The following FLT4 variants were observed in gnomAD, a reference collection of about 807,000 sequenced individuals.
FLT4 encodes vascular endothelial growth factor receptor 3.
In FLT4, 30 loss-of-function variants were observed where a neutral mutation model predicts 163.2. That is an observed-to-expected ratio of 0.18 (90% CI 0.14 to 0.25). FLT4 has a LOEUF of 0.25. Ranked by LOEUF, FLT4 falls within the 10% of genes least tolerant of loss-of-function variation. The probability of loss-of-function intolerance (pLI) is 1.00; values close to 1 mark genes in which losing one functional copy is unlikely to be tolerated. For missense variants in FLT4, 1,510 were observed against 1,863.8 expected (o/e 0.81, Z 3.50); for synonymous variants, 884 against 789.5 (o/e 1.12, Z -2.01).
Position 180,629,264 on chromosome 5 carries a change from A to C in FLT4, c.980T>G (p.Val327Gly). ...QRFRESTEVI[V>G]HENPFISVEW... ...CCTGGTTTCCCAGGCCATACCATGCACAATGACCTCGGTGCTCTCCCGAAA... is the reference window on the plus strand; with the variant it reads ...CCTGGTTTCCCAGGCCATACCATGCCCAATGACCTCGGTGCTCTCCCGAAA... Residue 327 changes from valine to glycine, a missense_variant, in exon 7 of 30, where the codon GTG becomes GGG. This residue lies in a region of FLT4 where 163 missense variants were observed against 281.1 expected (regional missense o/e 0.58). Transcript: ENST00000261937. 6.2e-7 allele frequency: 1 copy of C among 1,613,022 alleles called. No individual in the cohort carries two copies.
Position 180,649,538 on chromosome 5 carries a change from C to A in FLT4, c.8G>T (p.Arg3Leu), listed in dbSNP as rs1254608660. 3.5e-6 allele frequency: 5 copies of A among 1,436,516 alleles called. No individual in the cohort carries two copies. The highest frequency in any genetic ancestry group is 4.6e-6 in the Non-Finnish European group (5 of 1,094,488). 89.0% of individuals were successfully genotyped at this position (1,436,516 alleles called of 1,614,324 possible). A position where few individuals can be genotyped will look rare whatever the true frequency, so the allele number is the denominator to read the frequency against. Residue 3 changes from arginine to leucine, a missense_variant, in exon 1 of 30, where the codon CGG becomes CTG. Arg to Leu is a moderately radical substitution (Grantham distance 102). This residue lies in a region of FLT4 where 157 missense variants were observed against 178.7 expected (regional missense o/e 0.88). Coordinates refer to ENST00000261937, the MANE Select transcript of FLT4 (RefSeq NM_182925.5). Reference protein sequence around the residue: MQRGAALCLRLWL... With the variant: MQLGAALCLRLWL... The stretch of plus-strand genomic sequence containing the variant: ...CAGTCGCAGGCACAGCGCGGCGCCC[C>A]GCTGCATCTCCGGCCGCTGCGCGTG...
chr5:180,629,877 G>T, intron 5 of FLT4, 42 bp from the exon 6 acceptor site: 1 of 1,612,602 alleles, frequency 6.2e-7, no homozygotes, highest in South Asian at 1.1e-5. Flanking sequence ...CTCACAGGAC[G>T]ACACCCACTG....
chr5:180,646,922 A>G (rs1055494530), intron 1 of FLT4, among the ~76,000 whole-genome samples: 3 of 152,190 alleles, frequency 2.0e-5, no homozygotes, highest in Admixed American at 1.3e-4. Flanking sequence ...GCTCTGTGCC[A>G]TAGGCCTGGT....
chr5:180,612,672 T>A lies in FLT4; in HGVS notation c.3432-61A>T, dbSNP rs1434689071. ...CCCACCCCCGTCCCAGGACCTTCAG[T>A]GCCCCAGCCTTCCTGGGCCCTCTCA... On this transcript the variant is annotated intron_variant, in intron 25 of 29. Transcript: ENST00000261937. 4 of 1,192,542 alleles carry A rather than the reference T, an allele frequency of 3.4e-6. No individual in the cohort carries two copies. In the African/African-American group the frequency reaches 6.3e-5, roughly 19 times the overall value. 73.9% of individuals were successfully genotyped at this position (1,192,542 alleles called of 1,614,324 possible).
rs1288357522 is a variant in FLT4, at chr5:180,623,226, G to A, written c.1549-387C>T. On this transcript the variant is annotated intron_variant, in intron 11 of 29. Transcript: ENST00000261937. This position sits in a 1 kb window ranked among gnomAD's most constrained non-coding sequence, Gnocchi z 5.8. ...CAGCAAAAGCCAGTCACTTCTGGAT[G>A]GGGTCAGGCCCAATCCAGTCGCTGC... 6.6e-6 allele frequency among the ~76,000 whole-genome samples: 1 copy of A among 152,176 alleles called. No homozygotes were observed. Among genetic ancestry groups the A allele is most frequent in the African/African-American group, 2.4e-5 (1 of 41,434 alleles).
intron 8 of FLT4, among the ~76,000 whole-genome samples, chr5:180,627,548 GT>G (rs149897755): frequency 0.085 from 13,017 of 152,280 alleles, 1,026 homozygotes; most frequent in African/African-American, 0.21. Context: ...CCATCTGTGT[GT>G]TTGCTAGACC....
At chr5:180,613,927 G>C (rs1169602345) in intron 24 of FLT4, 141 bp downstream of exon 24, 8 of 720,242 alleles carry the variant, frequency 1.1e-5, no homozygotes, top group Non-Finnish European at 2.0e-5. Context: ...GGGGCCCTTG[G>C]TGGCCCACAA....
At position 180,639,481 on chromosome 5, in the gene FLT4, C is replaced by T. The variant is rs182566211; in HGVS notation, c.59-7703G>A. ...TAGATTGAACAGAAGGATGGATGGACGGGCAGATGGAAGGATGAACGAATG... is the reference window on the plus strand; with the variant it reads ...TAGATTGAACAGAAGGATGGATGGATGGGCAGATGGAAGGATGAACGAATG... On this transcript the variant is annotated intron_variant, in intron 1 of 29. Coordinates refer to ENST00000261937, the MANE Select transcript of FLT4 (RefSeq NM_182925.5). Among the ~76,000 whole-genome samples the T allele has an allele frequency of 7.6e-3, 1,147 of 151,130 alleles. 35 individuals are homozygous for T. The highest frequency in any genetic ancestry group is 0.067 in the Admixed American group (1,014 of 15,214).
chr5:180,637,996 C>T (rs1398028845), intron 1 of FLT4, among the ~76,000 whole-genome samples: 1 of 152,180 alleles, frequency 6.6e-6, no homozygotes, highest in Non-Finnish European at 1.5e-5. Flanking sequence ...CACAGAGCCA[C>T]TGGGCGGGGC....
intron 2 of FLT4, among the ~76,000 whole-genome samples, chr5:180,631,289 C>T (rs377537391): frequency 1.3e-4 from 20 of 151,998 alleles, no homozygotes; most frequent in South Asian, 1.2e-3. Context: ...CTGCTTAACA[C>T]GGTGAAACCC....
At chr5:180,606,007 CCCA>C (rs745366310) in intron 29 of FLT4, among the ~76,000 whole-genome samples, 10 of 152,176 alleles carry the variant, frequency 6.6e-5, no homozygotes, top group Non-Finnish European at 8.8e-5. Flanking sequence ...CTCCCCACAC[CCCA>C]CCAAGGCACA....
chr5:180,626,694 C>T (rs1320423272), intron 8 of FLT4, among the ~76,000 whole-genome samples: 1 of 152,218 alleles, frequency 6.6e-6, no homozygotes, highest in Non-Finnish European at 1.5e-5. Flanking sequence ...TGGGCACGGC[C>T]TGGAGACCCC....
intron 1 of FLT4, among the ~76,000 whole-genome samples, chr5:180,644,234 C>T (rs199731914): frequency 6.6e-6 from 1 of 152,156 alleles, no homozygotes; most frequent in Non-Finnish European, 1.5e-5. Context: ...TCCAAGGGAC[C>T]AAAAGAAGCC....
intron 1 of FLT4, among the ~76,000 whole-genome samples, chr5:180,638,657 T>C (rs1764865140): frequency 1.3e-5 from 2 of 152,154 alleles, no homozygotes; most frequent in South Asian, 4.1e-4. Flanking sequence ...GTTCATCCCC[T>C]TCACATTCAC....
rs142834757 is a variant in FLT4 at position 180,608,924 on chromosome 5, G to A, written c.3893+44C>T. ...CCCAGCCTCCCTCCTCCAGGGGAGG[G>A]CAACATCGATACCTGCAGTGCAGGA... On this transcript the variant is annotated intron_variant, in intron 29 of 29. Coordinates refer to ENST00000261937, the MANE Select transcript of FLT4 (RefSeq NM_182925.5). The A allele has an allele frequency of 1.5e-4, 221 of 1,513,010 alleles. No homozygotes were observed. In the African/African-American group the frequency reaches 2.8e-3, roughly 19 times the overall value. 93.7% of individuals were successfully genotyped at this position (1,513,010 alleles called of 1,614,324 possible).
At chr5:180,617,030 T>G in intron 21 of FLT4, 36 bp from the exon 22 acceptor site, 1 of 1,494,390 alleles carries the variant, frequency 6.7e-7, no homozygotes, top group South Asian at 1.1e-5. Context: ...AGGAGGCGCC[T>G]CCTCCGCGGC....
chr5:180,611,261 A>G (rs550937060), intron 27 of FLT4, 70 bp downstream of exon 27: 19 of 1,563,566 alleles, frequency 1.2e-5, no homozygotes, highest in South Asian at 6.7e-5. Context: ...CCGATGACGC[A>G]GAGGGATAAA....
At chr5:180,604,787 C>T (rs1443659245) in intron 29 of FLT4, among the ~76,000 whole-genome samples, 1 of 152,204 alleles carries the variant, frequency 6.6e-6, no homozygotes, top group Non-Finnish European at 1.5e-5. Flanking sequence ...GCATTTTCTT[C>T]CTCTGGGACT....
At chr5:180,627,732 C>T (rs530854882) in intron 8 of FLT4, among the ~76,000 whole-genome samples, 3 of 152,204 alleles carry the variant, frequency 2.0e-5, no homozygotes, top group Non-Finnish European at 4.4e-5. Flanking sequence ...CTGGACGCAA[C>T]AGAGCTGCCA....
Sources: allele counts gnomAD v4.1 joint callset (sites outside exome capture counted in the v4.1 genomes callset), GRCh38; gene constraint gnomAD v4.1.1; regional missense constraint gnomAD v4.1.1; non-coding constraint Gnocchi (gnomAD v3.1); transcripts MANE v1.5; gene names NCBI Gene and HGNC (gene_info 2026-07-23, HGNC 2026-07-21).